The following MOB3B variants were observed in gnomAD, a reference collection of about 807,000 sequenced individuals.
MOB3B encodes the protein MOB kinase activator 3B, also known as MOB kinase activator-like 2B.
In MOB3B, 7 loss-of-function variants were observed where a neutral mutation model predicts 18.7. The ratio of observed to expected loss-of-function variants is 0.37; its 90% CI spans 0.21 to 0.70. MOB3B has a LOEUF of 0.70. Among genes scored for constraint, MOB3B ranks in the 30% least tolerant of loss-of-function variants. The pLI is 0.52. For missense variants in MOB3B, 253 were observed against 281.3 expected, an observed-to-expected ratio of 0.90 and a Z score of 0.72; for synonymous variants, 111 against 99.9, an observed-to-expected ratio of 1.11 and a Z score of -0.66.
intron 3 of MOB3B, among the ~76,000 whole-genome samples, chr9:27,342,184 G>A (rs1171155287): frequency 2.0e-5 from 3 of 152,204 alleles, no homozygotes; most frequent in East Asian, 3.9e-4. Context: ...GGCTGACCTC[G>A]CGTCGCACCA....
At chr9:27,351,541 C>A (rs1366145304) in intron 3 of MOB3B, among the ~76,000 whole-genome samples, 2 of 152,256 alleles carry the variant, frequency 1.3e-5, no homozygotes, top group Non-Finnish European at 2.9e-5. Context: ...CCACATCAAG[C>A]CTTCTGGCTG....
intron 2 of MOB3B, among the ~76,000 whole-genome samples, chr9:27,443,651 T>C (rs1822629845): frequency 6.6e-6 from 1 of 152,204 alleles, no homozygotes; most frequent in Non-Finnish European, 1.5e-5. Flanking sequence ...CTTAATCATC[T>C]TAGAGACCAT....
chr9:27,347,992 A>G (rs1015977965), intron 3 of MOB3B, among the ~76,000 whole-genome samples: 2 of 152,210 alleles, frequency 1.3e-5, no homozygotes, highest in African/African-American at 4.8e-5. Context: ...TCATTATGTG[A>G]CACATGACTG....
chr9:27,454,048 C>CA (rs1822833650), intron 2 of MOB3B, among the ~76,000 whole-genome samples: 1 of 152,164 alleles, frequency 6.6e-6, no homozygotes, highest in Admixed American at 6.5e-5. Context: ...CAAAGCAACA[C>CA]CAAGATCCTG....
intron 2 of MOB3B, among the ~76,000 whole-genome samples, chr9:27,422,367 A>G (rs1822268468): frequency 6.6e-6 from 1 of 152,258 alleles, no homozygotes; most frequent in Non-Finnish European, 1.5e-5. Flanking sequence ...TTATTTTTAG[A>G]GGAGACTTTT....
At chr9:27,423,009 T>C (rs1383230799) in intron 2 of MOB3B, among the ~76,000 whole-genome samples, 1 of 152,156 alleles carries the variant, frequency 6.6e-6, no homozygotes, top group African/African-American at 2.4e-5. Context: ...GAGCATGAAA[T>C]CTGAAAATAC....
chr9:27,372,376 A>G (rs1159406753), intron 2 of MOB3B, among the ~76,000 whole-genome samples: 2 of 152,244 alleles, frequency 1.3e-5, no homozygotes, highest in South Asian at 2.1e-4. Flanking sequence ...TAAATAGGGA[A>G]AAGAAAAATC....
At chr9:27,338,252 C>A (rs966364517) in intron 3 of MOB3B, among the ~76,000 whole-genome samples, 3 of 152,164 alleles carry the variant, frequency 2.0e-5, no homozygotes, top group African/African-American at 7.2e-5. Context: ...AGCCCTATTT[C>A]CTTGTTTCCT....
chr9:27,342,684 T>C (rs1587142156), intron 3 of MOB3B, among the ~76,000 whole-genome samples: 1 of 152,160 alleles, frequency 6.6e-6, no homozygotes, highest in Non-Finnish European at 1.5e-5. Context: ...GCCGGGCTGG[T>C]CTCCAGCTCC....
intron 1 of MOB3B, among the ~76,000 whole-genome samples, chr9:27,475,007 A>T: frequency 6.6e-6 from 1 of 152,318 alleles, no homozygotes; most frequent in African/African-American, 2.4e-5. Flanking sequence ...AACAGAATAC[A>T]GCAAAAGGGA....
chr9:27,394,438 A>G (rs1331564774), intron 2 of MOB3B, among the ~76,000 whole-genome samples: 1 of 152,196 alleles, frequency 6.6e-6, no homozygotes, highest in Non-Finnish European at 1.5e-5. Flanking sequence ...TTTGAAGGAA[A>G]AGAAAACAAA....
chr9:27,341,734 T>C (rs897154199), intron 3 of MOB3B, among the ~76,000 whole-genome samples: 3 of 152,214 alleles, frequency 2.0e-5, no homozygotes, highest in Non-Finnish European at 4.4e-5. Flanking sequence ...GTGGCCATTA[T>C]GCTTCCCCTA....
intron 1 of MOB3B, among the ~76,000 whole-genome samples, chr9:27,470,595 G>A (rs577430518): frequency 6.6e-5 from 10 of 152,238 alleles, no homozygotes; most frequent in East Asian, 3.9e-4. Context: ...TAAACAGTCC[G>A]ATTTGTTGGT....
At position 27,326,511 on chromosome 9, in the gene MOB3B, A is replaced by C; in HGVS notation, c.*4076T>G. 1 of 398,602 alleles carries C rather than the reference A, an allele frequency of 2.5e-6. No individual in the cohort carries two copies. Among genetic ancestry groups the C allele is most frequent in the Non-Finnish European group, 4.4e-6 (1 of 226,038 alleles). 24.7% of individuals were successfully genotyped at this position (398,602 alleles called of 1,614,324 possible). A position where few individuals can be genotyped will look rare whatever the true frequency, so the allele number is the denominator to read the frequency against. On this transcript the variant is annotated 3_prime_UTR_variant, in exon 4 of 4. Coordinates refer to ENST00000262244, the MANE Select transcript of MOB3B (RefSeq NM_024761.5). ...TTGAATGGAATTCAAGATGTTGTGG[A>C]GGGTTCAGTGGGTTGGTTATACCAA...
chr9:27,342,401 T>A (rs977445977), intron 3 of MOB3B, among the ~76,000 whole-genome samples: 1 of 152,166 alleles, frequency 6.6e-6, no homozygotes, highest in African/African-American at 2.4e-5. Context: ...GAACTCTACA[T>A]GCCTATAGTC....
intron 3 of MOB3B, among the ~76,000 whole-genome samples, chr9:27,343,960 A>T (rs1361154153): frequency 6.6e-6 from 1 of 151,100 alleles, no homozygotes; most frequent in East Asian, 1.9e-4. Context: ...AGGTACCAAG[A>T]TACAGAGTTT....
At chr9:27,363,469 T>C (rs1238887716) in intron 2 of MOB3B, among the ~76,000 whole-genome samples, 2 of 151,782 alleles carry the variant, frequency 1.3e-5, no homozygotes, top group African/African-American at 2.4e-5. Flanking sequence ...GGGGTTTCAC[T>C]GTGTTAGCCA....
chr9:27,361,736 C>T (rs139642169), intron 2 of MOB3B, among the ~76,000 whole-genome samples: 3 of 152,176 alleles, frequency 2.0e-5, no homozygotes, highest in Non-Finnish European at 2.9e-5. Context: ...GGTCACCCAG[C>T]GGGGAAATAG....
chr9:27,505,054 C>A (rs778457023), intron 1 of MOB3B, among the ~76,000 whole-genome samples: 3 of 152,218 alleles, frequency 2.0e-5, no homozygotes, highest in African/African-American at 4.8e-5. Context: ...AGAACAATCA[C>A]CCATCTCAAT....
Sources: allele counts gnomAD v4.1 joint callset (sites outside exome capture counted in the v4.1 genomes callset), GRCh38; gene constraint gnomAD v4.1.1; transcripts MANE v1.5; gene names NCBI Gene and HGNC (gene_info 2026-07-23, HGNC 2026-07-21).